NBAS: variants seen among roughly 807,000 people sequenced by gnomAD.
NBAS encodes NAG/BC035112 fusion.
A neutral mutation model predicts 302.5 loss-of-function variants in NBAS; 219 were observed. That is an observed-to-expected ratio of 0.72 (90% CI 0.65 to 0.81). NBAS has a LOEUF of 0.81. NBAS is among the 30% of genes least tolerant of loss of function. The probability of loss-of-function intolerance (pLI) is 0.00; values close to 1 mark genes in which losing one functional copy is unlikely to be tolerated. For missense variants in NBAS, 2,932 were observed against 2,841.6 expected, an observed-to-expected ratio of 1.03 and a Z score of -0.72; for synonymous variants, 1,118 against 1,021.6, an observed-to-expected ratio of 1.09 and a Z score of -1.80.
chr2:15,157,486 G>A, the NBAS span, among the ~76,000 whole-genome samples: 514 of 152,222 alleles, frequency 3.4e-3, 6 homozygotes, highest in African/African-American at 0.011. Context: ...GGCCGTCTTC[G>A]CAGCATGACA....
chr2:15,129,288 C>A, the NBAS span, among the ~76,000 whole-genome samples: 3 of 152,216 alleles, frequency 2.0e-5, no homozygotes, highest in African/African-American at 7.2e-5. Context: ...ACTCAACCAC[C>A]AAGCTTCTCT....
rs1351499912 is a variant in NBAS at position 15,461,750 on chromosome 2, A to G, written c.2139T>C (p.Asp713=). 1 of 1,608,928 alleles carries G rather than the reference A, an allele frequency of 6.2e-7. No individual in the cohort carries two copies. The highest frequency in any genetic ancestry group is 1.3e-5 in the African/African-American group (1 of 74,788). ...TTCTGAATTTCTTAAAGAATTCAGC[A>G]TCATATCTCTGTTCAGATGCATGAG... ...GVPHASEQRY[D]AEFFKKFRNQ... Residue 713 remains aspartate, a synonymous_variant, in exon 20 of 52, where the codon GAT becomes GAC. Transcript: ENST00000281513.
the NBAS span, among the ~76,000 whole-genome samples, chr2:14,795,954 C>T: frequency 6.6e-6 from 1 of 152,188 alleles, no homozygotes. Context: ...TTTATGATTT[C>T]TTTATGATTT....
At chr2:14,782,701 C>G in the NBAS span, among the ~76,000 whole-genome samples, 3 of 152,180 alleles carry the variant, frequency 2.0e-5, no homozygotes, top group South Asian at 6.2e-4. Flanking sequence ...GACAAGGAAT[C>G]AACCTAAATG....
At chr2:15,110,413 T>C in the NBAS span, among the ~76,000 whole-genome samples, 928 of 152,292 alleles carry the variant, frequency 6.1e-3, 7 homozygotes, top group African/African-American at 0.021. Flanking sequence ...ATTGTTCTAG[T>C]AACTTCTAAT....
At chr2:15,031,102 G>C in the NBAS span, among the ~76,000 whole-genome samples, 16 of 152,206 alleles carry the variant, frequency 1.1e-4, no homozygotes, top group Non-Finnish European at 1.9e-4. Flanking sequence ...TGTTTTTACA[G>C]AATGTATAGT....
At chr2:14,947,430 T>A in the NBAS span, among the ~76,000 whole-genome samples, 1 of 152,022 alleles carries the variant, frequency 6.6e-6, no homozygotes, top group Non-Finnish European at 1.5e-5. Context: ...AACAAATAAA[T>A]TACTGGAAAT....
the NBAS span, among the ~76,000 whole-genome samples, chr2:14,796,370 T>C: frequency 6.6e-6 from 1 of 152,248 alleles, no homozygotes; most frequent in African/African-American, 2.4e-5. Context: ...TGTTAGTTTC[T>C]ACATAAAGTG....
chr2:15,102,731 A>G, the NBAS span, among the ~76,000 whole-genome samples: 1 of 152,096 alleles, frequency 6.6e-6, no homozygotes, highest in African/African-American at 2.4e-5. Flanking sequence ...TGGCTTGCCT[A>G]TGGGTTATAA....
the NBAS span, among the ~76,000 whole-genome samples, chr2:14,965,018 G>A: frequency 6.6e-6 from 1 of 151,868 alleles, no homozygotes; most frequent in Non-Finnish European, 1.5e-5. Context: ...AAAAGTGTGT[G>A]GTATACTGAT....
chr2:15,376,609 G>T lies in NBAS; in HGVS notation c.3591-1889C>A, dbSNP rs545998069. On this transcript the variant is annotated intron_variant, in intron 30 of 51. Transcript: ENST00000281513. ...AAGATATCACCTGTGTGGGGGGAAT[G>T]GGGGGACTTGGTGCAGGAGTTACTT... Among the ~76,000 whole-genome samples, 11 of 152,192 alleles carry T rather than the reference G, an allele frequency of 7.2e-5. No individual in the cohort carries two copies. The South Asian group carries it at 1.5e-3, about 20-fold the overall frequency.
the NBAS span, among the ~76,000 whole-genome samples, chr2:14,956,531 T>G: frequency 3.9e-5 from 6 of 152,326 alleles, 1 homozygote; most frequent in African/African-American, 1.4e-4. Flanking sequence ...TACCCAAGAC[T>G]GGGTAACTTA....
intron 21 of NBAS, among the ~76,000 whole-genome samples, chr2:15,452,016 A>G (rs1398885791): frequency 1.3e-5 from 2 of 152,080 alleles, no homozygotes; most frequent in East Asian, 3.9e-4. Context: ...AAAAAAGTCA[A>G]TAAATGAACA....
At chr2:14,838,210 C>G in the NBAS span, among the ~76,000 whole-genome samples, 2 of 151,892 alleles carry the variant, frequency 1.3e-5, no homozygotes, top group African/African-American at 4.8e-5. Context: ...CTCAAAGTGC[C>G]CATTTTACTT....
At chr2:15,131,886 G>T in the NBAS span, among the ~76,000 whole-genome samples, 1,077 of 152,196 alleles carry the variant, frequency 7.1e-3, 8 homozygotes, top group Non-Finnish European at 0.011. Context: ...GCAAGGGAGG[G>T]GGTGGTGCCA....
Position 15,378,443 on chromosome 2 carries a change from T to C in NBAS, c.3590+1159A>G, listed in dbSNP as rs777373547. 4.0e-4 allele frequency among the ~76,000 whole-genome samples: 61 copies of C among 152,160 alleles called. 1 individual carries two copies. Among genetic ancestry groups the C allele is most frequent in the Non-Finnish European group, 8.8e-5 (6 of 68,038 alleles). On this transcript the variant is annotated intron_variant, in intron 30 of 51. Transcript: ENST00000281513. ...AGCAGGCAGGGGACAGAGGACATAATACAATTGAAGATGTGCCTTGACTTA... is the reference window on the plus strand; with the variant it reads ...AGCAGGCAGGGGACAGAGGACATAACACAATTGAAGATGTGCCTTGACTTA...
At position 15,443,270 on chromosome 2, in the gene NBAS, C is replaced by T. The variant is rs539018649; in HGVS notation, c.2340-15476G>A. On this transcript the variant is annotated intron_variant, in intron 21 of 51. Transcript: ENST00000281513. The stretch of plus-strand genomic sequence containing the variant: ...AATCCTCAATAAAATACTGGCAAAC[C>T]GAATCCAGCAGCACATCAAAAAGCT... Among the ~76,000 whole-genome samples, 685 of 149,656 alleles carry T rather than the reference C, an allele frequency of 4.6e-3. 7 individuals are homozygous for T. The South Asian group carries it at 0.046, about 10-fold the overall frequency.
At chr2:14,910,465 G>A in the NBAS span, among the ~76,000 whole-genome samples, 17 of 152,170 alleles carry the variant, frequency 1.1e-4, no homozygotes, top group Non-Finnish European at 2.9e-5. Flanking sequence ...CTTTTTCAGC[G>A]TCAACCTGTC....
chr2:15,315,334 C>G (rs1332103722), intron 38 of NBAS, among the ~76,000 whole-genome samples: 1 of 152,098 alleles, frequency 6.6e-6, no homozygotes, highest in East Asian at 1.9e-4. Flanking sequence ...CTGGAGGGTA[C>G]ACAGGAGTGT....
Sources: gnomAD v4.1 joint callset for allele counts (sites outside exome capture counted in the v4.1 genomes callset) on GRCh38, gnomAD v4.1.1 for gene constraint, MANE v1.5 for transcripts, NCBI Gene and HGNC (gene_info 2026-07-23, HGNC 2026-07-21) for gene names.